DIP2C: variants seen among roughly 807,000 people sequenced by gnomAD.
The protein encoded by DIP2C is DIP2 acetate--CoA ligase C (putative), also known as disco-interacting protein 2 homolog C.
Under a neutral mutation model 192.4 loss-of-function variants are expected in DIP2C, and 33 were observed. That is an observed-to-expected ratio of 0.17 (90% confidence interval 0.13 to 0.23). DIP2C has a LOEUF of 0.23. Ranked by LOEUF, DIP2C falls within the 10% of genes least tolerant of loss-of-function variation. The pLI is 1.00. For synonymous variants in DIP2C, 979 were observed against 864.1 expected, an observed-to-expected ratio of 1.13 and a Z score of -2.33; for missense variants, 1,537 against 2,110.1, an observed-to-expected ratio of 0.73 and a Z score of 5.32.
chr10:397,880 A>C (rs1175431813), intron 10 of DIP2C, among the ~76,000 whole-genome samples: 1 of 152,220 alleles, frequency 6.6e-6, no homozygotes, highest in Non-Finnish European at 1.5e-5. Flanking sequence ...CAGTTCAGCC[A>C]TGATGGGAAG....
intron 1 of DIP2C, among the ~76,000 whole-genome samples, chr10:569,652 A>C (rs979945655): frequency 1.3e-5 from 2 of 152,134 alleles, no homozygotes; most frequent in African/African-American, 2.4e-5. Flanking sequence ...TCACTCCTTA[A>C]ATTTATTTAA....
intron 2 of DIP2C, among the ~76,000 whole-genome samples, chr10:481,305 A>C (rs1368445638): frequency 2.2e-4 from 33 of 152,222 alleles, no homozygotes; most frequent in Non-Finnish European, 2.9e-5. Context: ...TATGTAACCA[A>C]AGTGCAAAAT....
rs759895121 is a variant in DIP2C, at chr10:283,269, C to T, written c.4294+3G>A. On this transcript the variant is annotated splice_donor_region_variant and intron_variant, in intron 35 of 36. Transcript: ENST00000280886. ...GGGGGGGGCCGCCAGCCTGGACTCT[C>T]ACCTCCATTTGCATCTGTGAGCTCA... is the stretch of plus-strand genomic sequence containing the variant. The T allele has an allele frequency of 5.5e-5, 88 of 1,613,350 alleles. 1 individual carries two copies. Among genetic ancestry groups the T allele is most frequent in the Non-Finnish European group, 6.0e-5 (71 of 1,179,658 alleles).
In DIP2C at chr10:356,464, T is replaced by C. The variant is rs1241489672; in HGVS notation, c.2947A>G (p.Thr983Ala). 6.2e-7 allele frequency: 1 copy of C among 1,612,022 alleles called. No homozygotes were observed. The highest frequency in any genetic ancestry group is 8.5e-7 in the Non-Finnish European group (1 of 1,179,936). Residue 983 changes from threonine to alanine, a missense_variant, in exon 24 of 37, where the codon ACC becomes GCC. Physicochemically the swap from Thr to Ala is moderately conservative, Grantham distance 58. Around this residue, in one of 4 missense-constraint regions of DIP2C, gnomAD observed 677 missense variants for 989.9 expected, o/e 0.68. Coordinates refer to ENST00000280886, the MANE Select transcript of DIP2C (RefSeq NM_014974.3). ...AGCGTGTAGAGGATGTGGTCCGGGG[T>C]GGTCTGTGCTCTCCACTGCAAGACC... is the stretch of plus-strand genomic sequence containing the variant. ...SEVLQWRAQT[T>A]PDHILYTLLN...
At chr10:661,958 C>T in intron 1 of DIP2C, 2 of 701,320 alleles carry the variant, frequency 2.9e-6, no homozygotes, top group South Asian at 1.5e-5. Context: ...CCTCCTGACC[C>T]AGGCACTGAA....
At chr10:294,477 T>A (rs1955649853) in intron 32 of DIP2C, among the ~76,000 whole-genome samples, 1 of 151,954 alleles carries the variant, frequency 6.6e-6, no homozygotes, top group Admixed American at 6.6e-5. Context: ...TGTGGTGGTG[T>A]GTACCCGCAG....
At chr10:661,295 C>T (rs1214739405) in intron 1 of DIP2C, among the ~76,000 whole-genome samples, 3 of 152,224 alleles carry the variant, frequency 2.0e-5, no homozygotes, top group South Asian at 2.1e-4. Context: ...CCCTTTCTTC[C>T]GTGTACCTTT....
chr10:671,996 TAGACGCACGGACGGAGGAAAAGCCAC>T (rs1440639873), intron 1 of DIP2C, among the ~76,000 whole-genome samples: 15 of 44,256 alleles, frequency 3.4e-4, no homozygotes, highest in Admixed American at 9.5e-4. Flanking sequence ...AAACAGGCCA[TAGACGCACGGACGGAGGAAAAGCCAC>T]AGACGCACGG....
At chr10:639,724 G>T (rs1430770640) in intron 1 of DIP2C, among the ~76,000 whole-genome samples, 1 of 152,202 alleles carries the variant, frequency 6.6e-6, no homozygotes, top group Non-Finnish European at 1.5e-5. Flanking sequence ...CTGCCTCTTT[G>T]AAATAGGCAT....
intron 1 of DIP2C, among the ~76,000 whole-genome samples, chr10:624,534 G>T (rs1854076967): frequency 6.6e-6 from 1 of 152,202 alleles, no homozygotes; most frequent in Non-Finnish European, 1.5e-5. Flanking sequence ...CGAACACAAA[G>T]TGGGGCCTTG....
chr10:414,890 G>GTT, intron 7 of DIP2C, among the ~76,000 whole-genome samples: 1 of 36,130 alleles, frequency 2.8e-5, no homozygotes. Flanking sequence ...GTGTGTGTGT[G>GTT]TATATATATA....
intron 32 of DIP2C, among the ~76,000 whole-genome samples, chr10:294,437 T>C (rs968460495): frequency 1.3e-5 from 2 of 151,878 alleles, no homozygotes; most frequent in African/African-American, 4.8e-5. Context: ...CGAGACCCCA[T>C]CTCTACAAAA....
At chr10:437,371 G>C (rs183468944) in intron 4 of DIP2C, among the ~76,000 whole-genome samples, 1 of 147,774 alleles carries the variant, frequency 6.8e-6, no homozygotes, top group Non-Finnish European at 1.5e-5. Context: ...CCTGAGCTCT[G>C]AGCTCCGCCT....
intron 28 of DIP2C, among the ~76,000 whole-genome samples, chr10:342,634 G>C (rs74534847): frequency 0.025 from 3,754 of 152,302 alleles, 145 homozygotes; most frequent in African/African-American, 0.086. Context: ...TTAATGATCA[G>C]AAAGTGAAGG....
chr10:350,699 C>T (rs1054000566), intron 24 of DIP2C, among the ~76,000 whole-genome samples: 3 of 144,914 alleles, frequency 2.1e-5, no homozygotes, highest in African/African-American at 7.8e-5. Flanking sequence ...AGTGCAGTGG[C>T]GCGATCTCAG....
intron 14 of DIP2C, among the ~76,000 whole-genome samples, chr10:386,749 G>C (rs1410676544): frequency 6.6e-6 from 1 of 152,198 alleles, no homozygotes. Context: ...TCACTCATGT[G>C]ACAACTCCTA....
chr10:427,291 G>A (rs1429976455), intron 4 of DIP2C, among the ~76,000 whole-genome samples: 13 of 152,146 alleles, frequency 8.5e-5, no homozygotes, highest in Admixed American at 7.9e-4. Flanking sequence ...CTTTTCTCTT[G>A]TAAGGACGTT....
intron 35 of DIP2C, among the ~76,000 whole-genome samples, chr10:281,751 C>T (rs943934720): frequency 2.5e-4 from 38 of 152,224 alleles, no homozygotes; most frequent in African/African-American, 9.2e-4. Flanking sequence ...AGCTCTGTGA[C>T]TCTATCCCAC....
chr10:378,809 ACAAATG>A (rs1043402430), intron 17 of DIP2C, among the ~76,000 whole-genome samples: 128 of 113,196 alleles, frequency 1.1e-3, no homozygotes, highest in Non-Finnish European at 8.2e-4. Context: ...GCATAAAGAC[ACAAATG>A]AACAGACATG....
Sources: allele counts gnomAD v4.1 joint callset (sites outside exome capture counted in the v4.1 genomes callset), GRCh38; gene constraint gnomAD v4.1.1; regional missense constraint gnomAD v4.1.1; transcripts MANE v1.5; gene names NCBI Gene and HGNC (gene_info 2026-07-23, HGNC 2026-07-21).